PIAS2: variants seen among roughly 807,000 people sequenced by gnomAD.
The protein encoded by PIAS2 is E3 SUMO-protein ligase PIAS2.
In PIAS2, 19 loss-of-function variants were observed where a neutral mutation model predicts 69.7. That is an observed-to-expected ratio of 0.27 (90% confidence interval 0.19 to 0.40). The LOEUF (loss-of-function observed/expected upper bound fraction) is 0.40. Ranked by LOEUF, PIAS2 falls within the 10% of genes least tolerant of loss-of-function variation. The pLI is 1.00. For synonymous variants in PIAS2, 261 were observed against 263.2 expected, an observed-to-expected ratio of 0.99 and a Z score of 0.08; for missense variants, 624 against 757.0, an observed-to-expected ratio of 0.82 and a Z score of 2.06.
At chr18:46,818,163 A>G (rs1427607830) in intron 12 of PIAS2, 1 of 1,124,332 alleles carries the variant, frequency 8.9e-7, no homozygotes, top group Non-Finnish European at 1.1e-6. Flanking sequence ...ATGACAACAC[A>G]TTTTCCTTAT....
At chr18:46,910,642 TAGAA>T (rs2057155822) in intron 1 of PIAS2, among the ~76,000 whole-genome samples, 1 of 152,196 alleles carries the variant, frequency 6.6e-6, no homozygotes, top group African/African-American at 2.4e-5. Context: ...ATAAATTTTA[TAGAA>T]AAGTTCAAAG....
At chr18:46,825,707 A>G (rs913244153) in intron 11 of PIAS2, among the ~76,000 whole-genome samples, 2 of 152,232 alleles carry the variant, frequency 1.3e-5, no homozygotes, top group African/African-American at 4.8e-5. Context: ...TTATTTTATT[A>G]ATGCTAAGAA....
chr18:46,819,494 A>T (rs1020723673), intron 12 of PIAS2, among the ~76,000 whole-genome samples: 3 of 152,170 alleles, frequency 2.0e-5, no homozygotes, highest in African/African-American at 7.2e-5. Flanking sequence ...TAAAATGTCT[A>T]TTCTTTTCCA....
At chr18:46,829,646 T>A in intron 10 of PIAS2, 88 bp downstream of exon 10, 2 of 1,163,572 alleles carry the variant, frequency 1.7e-6, no homozygotes, top group Non-Finnish European at 2.4e-6. Context: ...ACAAGCTGAA[T>A]TCCAAACGTA....
At chr18:46,890,430 A>T in intron 2 of PIAS2, 150 bp downstream of exon 2, 1 of 585,856 alleles carries the variant, frequency 1.7e-6, no homozygotes, top group Non-Finnish European at 3.0e-6. Flanking sequence ...GATTTCAGTC[A>T]TGGTTGCCGA....
At chr18:46,855,644 A>G in intron 3 of PIAS2, 29 bp from the exon 4 acceptor site, 1 of 1,553,796 alleles carries the variant, frequency 6.4e-7, no homozygotes, top group Non-Finnish European at 8.9e-7. Context: ...AAATGGGTTA[A>G]AAAAGTACAA....
intron 2 of PIAS2, among the ~76,000 whole-genome samples, chr18:46,878,864 G>A (rs978934589): frequency 5.9e-5 from 9 of 152,252 alleles, no homozygotes; most frequent in South Asian, 2.1e-4. Context: ...GCAAGACTCC[G>A]TCTATAAAAA....
At chr18:46,880,666 G>A (rs1210110323) in intron 2 of PIAS2, among the ~76,000 whole-genome samples, 2 of 152,150 alleles carry the variant, frequency 1.3e-5, no homozygotes, top group Admixed American at 6.5e-5. Flanking sequence ...AATAGGGGCT[G>A]ACCCTCAAAC....
chr18:46,899,751 G>T (rs1049583277), intron 1 of PIAS2, among the ~76,000 whole-genome samples: 6 of 152,110 alleles, frequency 3.9e-5, no homozygotes, highest in African/African-American at 1.4e-4. Context: ...ACCATGCTGG[G>T]CCCAGAATGA....
At chr18:46,856,655 T>C (rs11878135) in intron 3 of PIAS2, among the ~76,000 whole-genome samples, 7,056 of 152,246 alleles carry the variant, frequency 0.046, 192 homozygotes, top group Non-Finnish European at 0.065. Context: ...CCTAGACCTA[T>C]AGAATTAGAA....
chr18:46,857,381 G>A (rs1470487019), intron 3 of PIAS2, among the ~76,000 whole-genome samples: 1 of 152,188 alleles, frequency 6.6e-6, no homozygotes, highest in Admixed American at 6.5e-5. Context: ...ATTATAAAAA[G>A]TAAGTGCTAC....
chr18:46,901,004 GAACT>G (rs1261795234), intron 1 of PIAS2: 3 of 395,498 alleles, frequency 7.6e-6, no homozygotes, highest in African/African-American at 4.4e-5. Flanking sequence ...AAATAAGGAA[GAACT>G]AACAACAATT....
intron 12 of PIAS2, among the ~76,000 whole-genome samples, chr18:46,820,647 G>C (rs533151278): frequency 1.3e-5 from 2 of 151,746 alleles, no homozygotes; most frequent in Admixed American, 6.6e-5. Flanking sequence ...CTATAATAAA[G>C]AAACCAAGAA....
chr18:46,887,550 C>G (rs571161278), intron 2 of PIAS2, among the ~76,000 whole-genome samples: 1 of 152,126 alleles, frequency 6.6e-6, no homozygotes, highest in African/African-American at 2.4e-5. Context: ...CTTCATTAGG[C>G]AGTAAGAATT....
intron 1 of PIAS2, 36 bp downstream of exon 1, chr18:46,917,286 C>A: frequency 6.9e-7 from 1 of 1,459,290 alleles, no homozygotes; most frequent in Non-Finnish European, 9.1e-7. Context: ...TCTCCCATCC[C>A]CTCCCCCGCG....
intron 11 of PIAS2, among the ~76,000 whole-genome samples, chr18:46,825,144 A>G (rs543579028): frequency 6.6e-6 from 1 of 152,272 alleles, no homozygotes; most frequent in East Asian, 1.9e-4. Context: ...AAACTTACAC[A>G]GCACAGGAAA....
chr18:46,898,489 A>G (rs2055252487), intron 1 of PIAS2, among the ~76,000 whole-genome samples: 1 of 152,220 alleles, frequency 6.6e-6, no homozygotes, highest in African/African-American at 2.4e-5. Flanking sequence ...TTTACAAATG[A>G]CAAGACTCTC....
chr18:46,889,987 T>C lies in PIAS2; in HGVS notation c.499+593A>G, dbSNP rs1461296299. Among the ~76,000 whole-genome samples the C allele has an allele frequency of 2.0e-5, 3 of 152,356 alleles. No individual in the cohort carries two copies. The East Asian group carries it at 5.8e-4, about 29-fold the overall frequency. On this transcript the variant is annotated intron_variant, in intron 2 of 13. Transcript: ENST00000585916. ...ATTACTATTTTTCTTTAAAAATGTATACTATTGTATTATTTAGCCTTTAAA... is the reference window on the plus strand; with the variant it reads ...ATTACTATTTTTCTTTAAAAATGTACACTATTGTATTATTTAGCCTTTAAA...
At chr18:46,845,503 T>C (rs1442021879) in intron 6 of PIAS2, among the ~76,000 whole-genome samples, 1 of 152,038 alleles carries the variant, frequency 6.6e-6, no homozygotes, top group Non-Finnish European at 1.5e-5. Flanking sequence ...TGAAGAATGA[T>C]AAAAATTAAA....
Sources: gnomAD v4.1 joint callset for allele counts (sites outside exome capture counted in the v4.1 genomes callset) on GRCh38, gnomAD v4.1.1 for gene constraint, MANE v1.5 for transcripts, NCBI Gene and HGNC (gene_info 2026-07-23, HGNC 2026-07-21) for gene names.